Variants in NCK2 observed in about 807,000 individuals in gnomAD.
The protein encoded by NCK2 is NCK adaptor protein 2, also known as cytoplasmic protein NCK2.
Under a neutral mutation model 33.9 loss-of-function variants are expected in NCK2, and 16 were observed. The ratio of observed to expected loss-of-function variants is 0.47; its 90% CI spans 0.32 to 0.72. The LOEUF (loss-of-function observed/expected upper bound fraction) is 0.72, where lower values mean the gene tolerates loss of function less well. NCK2 is among the 30% of genes least tolerant of loss of function. The pLI is 0.03. For missense variants in NCK2, 418 were observed against 537.3 expected (o/e 0.78, Z 2.19); for synonymous variants, 273 against 239.9 (o/e 1.14, Z -1.27).
rs189575870 is a variant in NCK2, at chr2:105,815,746, A to C, written c.-200-684A>C. ...GGGTCCGGTTGGTGGCTTCTCAACAAATGGCTGGTGCAACAGACCTCCAAG... is the reference window on the plus strand; with the variant it reads ...GGGTCCGGTTGGTGGCTTCTCAACACATGGCTGGTGCAACAGACCTCCAAG... On this transcript the variant is annotated intron_variant, in intron 1 of 4. Transcript: ENST00000233154. 3.9e-4 allele frequency among the ~76,000 whole-genome samples: 60 copies of C among 152,292 alleles called. 1 individual carries two copies. In the East Asian group the frequency reaches 0.011, roughly 27 times the overall value.
At chr2:105,854,912 A>G (rs918507791) in intron 2 of NCK2, 136 bp from the exon 3 acceptor site, 1 of 619,916 alleles carries the variant, frequency 1.6e-6, no homozygotes, top group African/African-American at 1.8e-5. Context: ...TTTAAAGTTG[A>G]GCATTTCAAG....
chr2:105,891,199 C>T (rs139980979), intron 4 of NCK2, among the ~76,000 whole-genome samples: 147 of 152,270 alleles, frequency 9.7e-4, no homozygotes, highest in African/African-American at 3.2e-3. Flanking sequence ...CTCACATCTG[C>T]GCACGCTCAC....
intron 4 of NCK2, among the ~76,000 whole-genome samples, chr2:105,882,535 G>C (rs542083507): frequency 6.3e-4 from 96 of 152,310 alleles, no homozygotes; most frequent in African/African-American, 2.2e-3. Context: ...ACGGCAGGCA[G>C]CGCCACTGAG....
chr2:105,835,676 A>G (rs1392771707), intron 2 of NCK2, among the ~76,000 whole-genome samples: 4 of 151,728 alleles, frequency 2.6e-5, no homozygotes, highest in Admixed American at 1.3e-4. Context: ...TCTTTCTCCC[A>G]CAAAGGGAAG....
intron 1 of NCK2, among the ~76,000 whole-genome samples, chr2:105,807,307 C>T (rs538515831): frequency 1.3e-3 from 197 of 152,326 alleles, no homozygotes; most frequent in South Asian, 3.7e-3. Context: ...CACCCAGGTG[C>T]TCTCCTCGAA....
chr2:105,821,382 C>G (rs1346225462), intron 2 of NCK2, among the ~76,000 whole-genome samples: 1 of 152,148 alleles, frequency 6.6e-6, no homozygotes, highest in South Asian at 2.1e-4. Context: ...TGTGGAGTTT[C>G]CGCCCAAATA....
intron 1 of NCK2, among the ~76,000 whole-genome samples, chr2:105,796,188 TC>T (rs1691076356): frequency 6.6e-6 from 1 of 152,216 alleles, no homozygotes; most frequent in Non-Finnish European, 1.5e-5. Flanking sequence ...TTGGCCGCCC[TC>T]TGGGCACTGT....
intron 1 of NCK2, among the ~76,000 whole-genome samples, chr2:105,806,185 A>ATG (rs1455799729): frequency 1.3e-5 from 2 of 150,092 alleles, no homozygotes; most frequent in Non-Finnish European, 3.0e-5. Flanking sequence ...TTGTATATGT[A>ATG]TGTGTGTGTG....
intron 2 of NCK2, among the ~76,000 whole-genome samples, chr2:105,847,525 G>A (rs544640904): frequency 7.2e-5 from 11 of 152,046 alleles, no homozygotes; most frequent in Non-Finnish European, 1.2e-4. Flanking sequence ...GGTGTGCAGC[G>A]GAACTGGCCT....
chr2:105,759,964 T>C (rs1303202850), intron 1 of NCK2, among the ~76,000 whole-genome samples: 2 of 152,152 alleles, frequency 1.3e-5, no homozygotes, highest in Admixed American at 6.5e-5. Context: ...TGGCTTATGA[T>C]GGTTGATGTT....
At chr2:105,777,918 C>T (rs987496231) in intron 1 of NCK2, among the ~76,000 whole-genome samples, 7 of 152,184 alleles carry the variant, frequency 4.6e-5, no homozygotes, top group Admixed American at 2.6e-4. Context: ...ACCTTGGTTT[C>T]GCCTAGCCGT....
chr2:105,864,174 A>C (rs1011151660), intron 3 of NCK2, among the ~76,000 whole-genome samples: 3 of 151,924 alleles, frequency 2.0e-5, no homozygotes, highest in African/African-American at 7.3e-5. Flanking sequence ...ACAGGGCTTA[A>C]GGGGGAGATG....
intron 2 of NCK2, among the ~76,000 whole-genome samples, chr2:105,823,489 G>A (rs974884043): frequency 6.6e-6 from 1 of 151,838 alleles, no homozygotes; most frequent in South Asian, 2.1e-4. Context: ...TATAACTAAC[G>A]TTGAAATGGT....
intron 3 of NCK2, among the ~76,000 whole-genome samples, chr2:105,869,544 T>C (rs1677908544): frequency 6.6e-6 from 1 of 152,224 alleles, no homozygotes; most frequent in African/African-American, 2.4e-5. Context: ...CGGCTGTGTC[T>C]TTGCCAACCA....
intron 1 of NCK2, among the ~76,000 whole-genome samples, chr2:105,753,736 T>C (rs1445743136): frequency 1.3e-5 from 2 of 152,184 alleles, no homozygotes; most frequent in African/African-American, 2.4e-5. Flanking sequence ...TGAGTTGCTG[T>C]TGTTGAAGTG....
intron 1 of NCK2, among the ~76,000 whole-genome samples, chr2:105,750,069 A>C (rs554102472): frequency 4.6e-4 from 26 of 56,692 alleles, no homozygotes; most frequent in Non-Finnish European, 8.8e-4. Flanking sequence ...CACACACACA[A>C]AACAACAACA....
At position 105,893,365 on chromosome 2, in the gene NCK2, C is replaced by T; in HGVS notation, c.*189C>T. The T allele has an allele frequency of 1.2e-5, 7 of 567,642 alleles. No individual in the cohort carries two copies. The highest frequency in any genetic ancestry group is 2.5e-5 in the South Asian group (1 of 40,794). The allele number at this position is 567,642 out of a possible 1,614,324, so 35.2% of individuals were successfully genotyped here. A position where few individuals can be genotyped will look rare whatever the true frequency, so the allele number is the denominator to read the frequency against. On this transcript the variant is annotated 3_prime_UTR_variant, in exon 5 of 5. Transcript: ENST00000233154. ...CCTCACACCCACACTCGAGCCCACC[C>T]GGCCGGCCAGCTTTAGAGGAGGGGA...
chr2:105,793,135 C>T (rs1690951881), intron 1 of NCK2, among the ~76,000 whole-genome samples: 1 of 152,078 alleles, frequency 6.6e-6, no homozygotes, highest in African/African-American at 2.4e-5. Context: ...CTTCTCAGTC[C>T]ATGAGAGGTG....
chr2:105,784,098 C>T (rs1444581137), intron 1 of NCK2, among the ~76,000 whole-genome samples: 1 of 152,144 alleles, frequency 6.6e-6, no homozygotes, highest in African/African-American at 2.4e-5. Flanking sequence ...TTCAGGAAAG[C>T]GTCACTGGGA....
Sources: gnomAD v4.1 joint callset for allele counts (sites outside exome capture counted in the v4.1 genomes callset) on GRCh38, gnomAD v4.1.1 for gene constraint, MANE v1.5 for transcripts, NCBI Gene and HGNC (gene_info 2026-07-23, HGNC 2026-07-21) for gene names.